Variants in USP35 observed in about 807,000 individuals in gnomAD.
USP35 encodes ubiquitin specific peptidase 35, also known as ubiquitin carboxyl-terminal hydrolase 35.
In USP35, 69 loss-of-function variants were observed where a neutral mutation model predicts 83.8. The observed-to-expected ratio is 0.82, with a 90% CI of 0.68 to 1.01. The LOEUF is 1.01. Among genes scored for constraint, USP35 ranks in the 50% least tolerant of loss-of-function variants. The pLI, the probability that USP35 is intolerant of heterozygous loss-of-function variation, is 0.00. For synonymous variants in USP35, 714 were observed against 589.5 expected, an observed-to-expected ratio of 1.21 and a Z score of -3.06; for missense variants, 1,503 against 1,362.5, an observed-to-expected ratio of 1.10 and a Z score of -1.62.
chr11:78,211,654 C>T (rs530027334), intron 10 of USP35, among the ~76,000 whole-genome samples: 36 of 152,280 alleles, frequency 2.4e-4, no homozygotes, highest in African/African-American at 6.7e-4. Context: ...TTCTGGCTTG[C>T]GTGAGATGGT....
chr11:78,198,186 T>C, intron 3 of USP35, 118 bp downstream of exon 3: 3 of 1,442,796 alleles, frequency 2.1e-6, no homozygotes, highest in Non-Finnish European at 2.8e-6. Context: ...GCCCAGGCCC[T>C]CATGTGTGTT....
At chr11:78,192,425 A>G (rs1468527066) in intron 1 of USP35, among the ~76,000 whole-genome samples, 1 of 152,216 alleles carries the variant, frequency 6.6e-6, no homozygotes, top group Non-Finnish European at 1.5e-5. Context: ...CATTCCTGCC[A>G]GTGGGATAGC....
chr11:78,225,246 T>C, the USP35 span: 5 of 1,312,496 alleles, frequency 3.8e-6, no homozygotes, highest in African/African-American at 7.3e-5. Context: ...GGTTGATTCA[T>C]GTGTTGACAC....
In USP35 at chr11:78,214,385, G is replaced by GGGGGC. The variant is rs1863989462; in HGVS notation, c.*577_*581dup. 1.5e-5 allele frequency: 2 copies of GGGGGC among 133,384 alleles called. No homozygotes were observed. The highest frequency in any genetic ancestry group is 3.3e-5 in the Non-Finnish European group (2 of 60,194). The allele number at this position is 133,384 out of a possible 1,614,324, so 8.3% of individuals were successfully genotyped here. On this transcript the variant is annotated 3_prime_UTR_variant, in exon 11 of 11. Transcript: ENST00000529308. ...AGCGCCACTGCATGGTTTTGGGGGG[G>GGGGGC]GGGGCGGGGGGCTAGCTTCTCACAG...
chr11:78,199,588 T>TCA lies in USP35; in HGVS notation c.807-5_807-4dup, dbSNP rs773416750. ...TGTCCCTGTGTCACTGTCACTCCCC[T>TCA]CACCAGGATGATTGACTGGGTGTCC... On this transcript the variant is annotated splice_polypyrimidine_tract_variant and splice_region_variant and intron_variant, in intron 3 of 10. Transcript: ENST00000529308. 6 of 1,614,068 alleles carry TCA rather than the reference T, an allele frequency of 3.7e-6. No individual in the cohort carries two copies. The African/African-American group carries it at 8.0e-5, about 22-fold the overall frequency.
At chr11:78,216,715 T>A (rs1226136982), downstream of USP35, 2 of 152,206 alleles carry the variant, frequency 1.3e-5, no homozygotes, top group South Asian at 4.1e-4. Flanking sequence ...CATGGCACAC[T>A]CAGAACATGC....
At chr11:78,235,377 C>G in the USP35 span, among the ~76,000 whole-genome samples, 3 of 152,084 alleles carry the variant, frequency 2.0e-5, no homozygotes, top group Non-Finnish European at 2.9e-5. Flanking sequence ...TGGTCTCGAT[C>G]TCCTGACCTT....
chr11:78,209,327 A>T, intron 9 of USP35, 121 bp from the exon 10 acceptor site: 1 of 1,062,074 alleles, frequency 9.4e-7, no homozygotes, highest in Non-Finnish European at 1.3e-6. Flanking sequence ...TGGTGTGTGC[A>T]TGTGTGTTTG....
intron 6 of USP35, among the ~76,000 whole-genome samples, chr11:78,203,960 G>T (rs370657464): frequency 4.5e-5 from 6 of 134,584 alleles, no homozygotes; most frequent in South Asian, 2.4e-4. Flanking sequence ...GCGGGATCTC[G>T]GCTCACTGCA....
chr11:78,189,425 C>T (rs920898413), intron 1 of USP35, among the ~76,000 whole-genome samples: 2 of 152,224 alleles, frequency 1.3e-5, no homozygotes, highest in Non-Finnish European at 2.9e-5. Context: ...AGTACATTCG[C>T]TTGCTGGCTT....
chr11:78,236,023 G>C, the USP35 span, among the ~76,000 whole-genome samples: 8 of 152,250 alleles, frequency 5.3e-5, no homozygotes, highest in South Asian at 1.2e-3. Context: ...TGAATCTACA[G>C]AACAATTTGA....
chr11:78,230,325 A>C, the USP35 span, among the ~76,000 whole-genome samples: 1 of 152,050 alleles, frequency 6.6e-6, no homozygotes, highest in Non-Finnish European at 1.5e-5. Flanking sequence ...ATCCCTAAAC[A>C]TGTCCTGTGT....
chr11:78,223,494 G>A, the USP35 span: 33 of 1,610,212 alleles, frequency 2.0e-5, no homozygotes, highest in Non-Finnish European at 2.8e-5. Flanking sequence ...GCACAGGAAG[G>A]GTTGTTGATG....
intron 9 of USP35, 109 bp from the exon 10 acceptor site, chr11:78,209,339 G>A (rs1321847011): frequency 2.5e-6 from 3 of 1,199,520 alleles, no homozygotes; most frequent in Non-Finnish European, 3.5e-6. Context: ...GTGTGTTTGT[G>A]TGCGTCTCAA....
At position 78,214,053 on chromosome 11, in the gene USP35, C is replaced by G. The variant is rs866041425; in HGVS notation, c.*240C>G. On this transcript the variant is annotated 3_prime_UTR_variant, in exon 11 of 11. Transcript: ENST00000529308. ...AGTGTCCTGGTTAACTTGAAGCAGC[C>G]GAGATGGGCACACACGGGTCTTTGC... 2.4e-6 allele frequency: 1 copy of G among 416,220 alleles called. No individual in the cohort carries two copies. The highest frequency in any genetic ancestry group is 4.2e-6 in the Non-Finnish European group (1 of 240,524). The allele number at this position is 416,220 out of a possible 1,614,324, so 25.8% of individuals were successfully genotyped here. A position where few individuals can be genotyped will look rare whatever the true frequency, so the allele number is the denominator to read the frequency against.
chr11:78,223,398 A>C, the USP35 span: 5 of 1,505,996 alleles, frequency 3.3e-6, no homozygotes, highest in South Asian at 4.0e-5. Context: ...GGACAGGGGA[A>C]AGAATGGACT....
chr11:78,223,932 A>C, the USP35 span, among the ~76,000 whole-genome samples: 1 of 152,246 alleles, frequency 6.6e-6, no homozygotes, highest in Non-Finnish European at 1.5e-5. Flanking sequence ...AATCCAAAGT[A>C]TTAGCTGGGC....
chr11:78,197,808 A>G, intron 2 of USP35, 128 bp from the exon 3 acceptor site: 1 of 1,321,922 alleles, frequency 7.6e-7, no homozygotes, highest in Non-Finnish European at 1.0e-6. Flanking sequence ...GCTATAGGAG[A>G]GGAGGTGGCC....
chr11:78,199,365 G>C, intron 3 of USP35: 2 of 560,936 alleles, frequency 3.6e-6, no homozygotes, highest in Admixed American at 6.2e-5. Context: ...GGTGCTGAGA[G>C]GGCCTGGCTC....
Sources: allele counts gnomAD v4.1 joint callset (sites outside exome capture counted in the v4.1 genomes callset), GRCh38; gene constraint gnomAD v4.1.1; transcripts MANE v1.5; gene names NCBI Gene and HGNC (gene_info 2026-07-23, HGNC 2026-07-21).